Variants in TMTC4 observed in about 807,000 individuals in gnomAD.
TMTC4 encodes the protein protein O-mannosyl-transferase TMTC4.
Under a neutral mutation model 86.0 loss-of-function variants are expected in TMTC4, and 65 were observed. The observed-to-expected ratio is 0.76, with a 90% CI of 0.62 to 0.93. The LOEUF is 0.93. TMTC4 is among the 40% of genes least tolerant of loss of function. The pLI, the probability that TMTC4 is intolerant of heterozygous loss-of-function variation, is 0.00. For synonymous variants in TMTC4, 379 were observed against 382.5 expected, an observed-to-expected ratio of 0.99 and a Z score of 0.11; for missense variants, 866 against 948.1, an observed-to-expected ratio of 0.91 and a Z score of 1.14.
intron 15 of TMTC4, among the ~76,000 whole-genome samples, chr13:100,617,872 A>T (rs1878760154): frequency 6.6e-6 from 1 of 152,232 alleles, no homozygotes; most frequent in Non-Finnish European, 1.5e-5. Flanking sequence ...TTCTGTGAAA[A>T]ATGACATTGG....
intron 15 of TMTC4, among the ~76,000 whole-genome samples, chr13:100,617,365 G>A (rs1046605838): frequency 6.6e-6 from 1 of 152,136 alleles, no homozygotes; most frequent in African/African-American, 2.4e-5. Flanking sequence ...TCAAACTCCT[G>A]GGCTCAAGCC....
At chr13:100,636,845 A>G in intron 9 of TMTC4, 111 bp from the exon 10 acceptor site, 1 of 1,106,778 alleles carries the variant, frequency 9.0e-7, no homozygotes, top group Admixed American at 2.2e-5. Flanking sequence ...CAATGAAAGC[A>G]GTTGTATCAA....
intron 6 of TMTC4, among the ~76,000 whole-genome samples, chr13:100,655,781 T>C (rs1185739346): frequency 2.6e-5 from 2 of 78,164 alleles, no homozygotes; most frequent in Non-Finnish European, 6.4e-5. Flanking sequence ...CCAGGCTTGA[T>C]AAGGTAATAA....
At chr13:100,642,908 G>T (rs1334440985) in intron 6 of TMTC4, among the ~76,000 whole-genome samples, 2 of 152,200 alleles carry the variant, frequency 1.3e-5, no homozygotes, top group African/African-American at 4.8e-5. Flanking sequence ...ACCTGGGGCA[G>T]GTAAAGACAT....
intron 15 of TMTC4, among the ~76,000 whole-genome samples, chr13:100,615,140 T>C (rs1430529786): frequency 6.6e-6 from 1 of 152,078 alleles, no homozygotes; most frequent in African/African-American, 2.4e-5. Flanking sequence ...TTATTATTAT[T>C]ATTATTTTTA....
chr13:100,674,283 C>G, intron 1 of TMTC4: 1 of 979,316 alleles, frequency 1.0e-6, no homozygotes, highest in Non-Finnish European at 1.2e-6. Context: ...GGGCAGGCGG[C>G]CAAGCGGCCC....
intron 16 of TMTC4, among the ~76,000 whole-genome samples, chr13:100,612,801 T>TAA (rs1406546603): frequency 1.3e-5 from 2 of 152,206 alleles, no homozygotes; most frequent in Non-Finnish European, 2.9e-5. Flanking sequence ...GTTTTAATTT[T>TAA]TTCCCAGATA....
At position 100,634,897 on chromosome 13, in the gene TMTC4, T is replaced by C; in HGVS notation, c.1414A>G (p.Asn472Asp). 1 of 1,614,166 alleles carries C rather than the reference T, an allele frequency of 6.2e-7. No individual in the cohort carries two copies. ...AAVVLGILFI[N>D]TLRCVLRSGE... Reference sequence around the variant, plus strand: ...CTGCGCAGCACACATCTCAGCGTGTTGATGAATAAGATTCCCAGCACGACA... The same window carrying C: ...CTGCGCAGCACACATCTCAGCGTGTCGATGAATAAGATTCCCAGCACGACA... The change falls in exon 12 of 19, where the codon AAC becomes GAC. Residue 472 changes from asparagine to aspartate, a missense_variant. Asn to Asp is a conservative substitution (Grantham distance 23). Transcript: ENST00000342624.
intron 15 of TMTC4, among the ~76,000 whole-genome samples, chr13:100,622,848 A>G (rs931597222): frequency 6.6e-6 from 1 of 152,152 alleles, no homozygotes; most frequent in Non-Finnish European, 1.5e-5. Context: ...ACATATGTAT[A>G]TATTTCTAAC....
intron 17 of TMTC4, among the ~76,000 whole-genome samples, chr13:100,610,886 G>A (rs947477529): frequency 6.6e-6 from 1 of 152,140 alleles, no homozygotes; most frequent in African/African-American, 2.4e-5. Flanking sequence ...GTCATTAGAA[G>A]GGAAACCTGT....
chr13:100,671,747 C>T (rs1357155512), intron 1 of TMTC4, among the ~76,000 whole-genome samples: 1 of 152,162 alleles, frequency 6.6e-6, no homozygotes, highest in Admixed American at 6.5e-5. Context: ...GGGGCTCCTT[C>T]TCCTTTCTCC....
intron 12 of TMTC4, among the ~76,000 whole-genome samples, chr13:100,632,043 ACACACACACACT>A (rs1881466738): frequency 1.5e-5 from 1 of 67,786 alleles, no homozygotes. Flanking sequence ...ACACACACAC[ACACACACACACT>A]CTCTCTCTCT....
In TMTC4 at chr13:100,636,662, A is replaced by G. The variant is rs767545863; in HGVS notation, c.1072T>C (p.Trp358Arg). 1 of 1,614,212 alleles carries G rather than the reference A, an allele frequency of 6.2e-7. No individual in the cohort carries two copies. The highest frequency in any genetic ancestry group is 8.5e-7 in the Non-Finnish European group (1 of 1,180,042). Residue 358 changes from tryptophan to arginine, a missense_variant, in exon 10 of 19, where the codon TGG (tryptophan) becomes CGG (arginine). Transcript: ENST00000342624. ...LLCPWWLCFD[W>R]SMGCIPLIKS... ...ATGAGGGGGATGCAGCCCATTGACC[A>G]ATCAAAACACAGCCACCAGGGACAC...
intron 12 of TMTC4, among the ~76,000 whole-genome samples, chr13:100,630,813 C>G (rs922954063): frequency 3.9e-5 from 6 of 152,148 alleles, no homozygotes; most frequent in Non-Finnish European, 5.9e-5. Flanking sequence ...TTCTGTTAGA[C>G]ACTCAGAATG....
intron 7 of TMTC4, among the ~76,000 whole-genome samples, chr13:100,640,873 C>T (rs191268597): frequency 7.3e-5 from 11 of 151,670 alleles, no homozygotes; most frequent in African/African-American, 2.2e-4. Context: ...TGTTCACAAC[C>T]TTAATTTCTA....
chr13:100,621,765 C>T (rs1879522639), intron 15 of TMTC4, among the ~76,000 whole-genome samples: 1 of 152,204 alleles, frequency 6.6e-6, no homozygotes. Context: ...CATATTTAGT[C>T]ACTGAGTACT....
intron 6 of TMTC4, among the ~76,000 whole-genome samples, chr13:100,643,165 T>TTGTC (rs1883253016): frequency 6.6e-6 from 1 of 152,196 alleles, no homozygotes; most frequent in Non-Finnish European, 1.5e-5. Flanking sequence ...CTCCTCTCCG[T>TTGTC]TGTGAAGTCC....
intron 6 of TMTC4, among the ~76,000 whole-genome samples, chr13:100,646,138 G>A (rs909155051): frequency 3.9e-5 from 6 of 152,138 alleles, no homozygotes; most frequent in Middle Eastern, 3.4e-3. Context: ...ACCAGTAATC[G>A]GCCTTTAACA....
At chr13:100,613,710 A>G (rs1877993734) in intron 16 of TMTC4, among the ~76,000 whole-genome samples, 1 of 151,718 alleles carries the variant, frequency 6.6e-6, no homozygotes, top group South Asian at 2.1e-4. Context: ...GTGGAGTGTC[A>G]TTTTCCCAGA....
Sources: gnomAD v4.1 joint callset for allele counts (sites outside exome capture counted in the v4.1 genomes callset) on GRCh38, gnomAD v4.1.1 for gene constraint, MANE v1.5 for transcripts, NCBI Gene and HGNC (gene_info 2026-07-23, HGNC 2026-07-21) for gene names.